Variants in TFDP2 observed in about 807,000 individuals in gnomAD.
TFDP2 encodes transcription factor Dp-2 (E2F dimerization partner 2).
TFDP2 carries 17 observed loss-of-function variants against 59.3 expected under a neutral mutation model. The ratio of observed to expected loss-of-function variants is 0.29; its 90% CI spans 0.20 to 0.43. The LOEUF (loss-of-function observed/expected upper bound fraction) is 0.43. Ranked by LOEUF, TFDP2 falls within the 20% of genes least tolerant of loss-of-function variation. The probability of loss-of-function intolerance (pLI) is 1.00; values close to 1 mark genes in which losing one functional copy is unlikely to be tolerated. For synonymous variants in TFDP2, 180 were observed against 194.7 expected, an observed-to-expected ratio of 0.92 and a Z score of 0.63; for missense variants, 391 against 528.8, an observed-to-expected ratio of 0.74 and a Z score of 2.56.
chr3:142,056,946 C>T (rs1478250591), intron 3 of TFDP2, among the ~76,000 whole-genome samples: 1 of 152,162 alleles, frequency 6.6e-6, no homozygotes, highest in Non-Finnish European at 1.5e-5. Flanking sequence ...TCCTCAGAAA[C>T]CATGTGAGAT....
At chr3:142,066,857 T>C (rs1174717778) in intron 3 of TFDP2, among the ~76,000 whole-genome samples, 1 of 152,168 alleles carries the variant, frequency 6.6e-6, no homozygotes, top group Non-Finnish European at 1.5e-5. Context: ...ATTTGACATA[T>C]AAAAATCAAT....
chr3:142,078,400 T>C (rs867204625), intron 3 of TFDP2, among the ~76,000 whole-genome samples: 2 of 152,318 alleles, frequency 1.3e-5, no homozygotes, highest in Middle Eastern at 3.4e-3. Flanking sequence ...GGGATACTTA[T>C]GTAACCCCTC....
intron 4 of TFDP2, among the ~76,000 whole-genome samples, chr3:141,997,413 C>A (rs1189621325): frequency 6.6e-6 from 1 of 152,032 alleles, no homozygotes; most frequent in African/African-American, 2.4e-5. Flanking sequence ...TCTGGTCAAC[C>A]CTATTCCTTG....
At position 142,043,709 on chromosome 3, in the gene TFDP2, C is replaced by T. The variant is rs1947152057; in HGVS notation, c.83-38165G>A. ...AGGCGTTCTTCACCGTGCTTGCGTG[C>T]TTCCTTGGTCTTAGACCTGGGGGCC... is the stretch of plus-strand genomic sequence containing the variant. On this transcript the variant is annotated intron_variant, in intron 3 of 12. Transcript: ENST00000489671. 6 of 1,164,746 alleles carry T rather than the reference C, an allele frequency of 5.2e-6. No homozygotes were observed. The East Asian group carries it at 1.4e-4, about 27-fold the overall frequency. The allele number at this position is 1,164,746 out of a possible 1,614,324, so 72.2% of individuals were successfully genotyped here.
chr3:142,078,812 C>T (rs1236143391), intron 3 of TFDP2, among the ~76,000 whole-genome samples: 1 of 151,936 alleles, frequency 6.6e-6, no homozygotes, highest in Non-Finnish European at 1.5e-5. Context: ...AGTAAGACAC[C>T]AGTAACCAAT....
At position 142,143,368 on chromosome 3, in the gene TFDP2, C is replaced by A. The variant is rs541255971; in HGVS notation, c.-93+5815G>T. ...CAAGAATTTCTTGAGCAGTACCCCA[C>A]AAGCACAGGCAACCAAAGCAAAAAT... On this transcript the variant is annotated intron_variant, in intron 1 of 12. Coordinates refer to ENST00000489671, the MANE Select transcript of TFDP2 (RefSeq NM_001178139.2). Among the ~76,000 whole-genome samples, 132 of 152,280 alleles carry A rather than the reference C, an allele frequency of 8.7e-4. 1 individual carries two copies. The highest frequency in any genetic ancestry group is 3.1e-3 in the African/African-American group (127 of 41,568).
rs368916134 is a variant in TFDP2 at position 141,952,488 on chromosome 3, T to C, written c.*25A>G. ...TACAAACACACATGAGCATCACATA[T>C]TGAAACGTAGGCTTTCTCTTGTCTT... On this transcript the variant is annotated 3_prime_UTR_variant, in exon 13 of 13. Transcript: ENST00000489671. 37 of 1,505,540 alleles carry C rather than the reference T, an allele frequency of 2.5e-5. No individual in the cohort carries two copies. The highest frequency in any genetic ancestry group is 2.9e-5 in the South Asian group (2 of 69,246). The allele number at this position is 1,505,540 out of a possible 1,614,324, so 93.3% of individuals were successfully genotyped here.
intron 3 of TFDP2, among the ~76,000 whole-genome samples, chr3:142,090,472 T>C (rs2060962389): frequency 2.0e-5 from 3 of 152,164 alleles, no homozygotes; most frequent in Admixed American, 2.0e-4. Flanking sequence ...CAGATGCCTA[T>C]TCTACCATCA....
At chr3:141,976,914 T>A (rs1940723909) in intron 7 of TFDP2, among the ~76,000 whole-genome samples, 1 of 150,218 alleles carries the variant, frequency 6.7e-6, no homozygotes, top group Non-Finnish European at 1.5e-5. Flanking sequence ...ACAAATTAAG[T>A]AATAAAAGTA....
chr3:141,982,834 T>C (rs1941635432), intron 6 of TFDP2, among the ~76,000 whole-genome samples: 1 of 152,206 alleles, frequency 6.6e-6, no homozygotes, highest in Admixed American at 6.5e-5. Flanking sequence ...AGTGCATAAA[T>C]TGATAATAAA....
intron 3 of TFDP2, among the ~76,000 whole-genome samples, chr3:142,026,057 A>G (rs1477167623): frequency 6.6e-6 from 1 of 152,234 alleles, no homozygotes; most frequent in Admixed American, 6.5e-5. Flanking sequence ...CACGCCCATA[A>G]TCCCAGCACT....
In TFDP2 at chr3:142,138,839, T is replaced by C. The variant is rs529359848; in HGVS notation, c.-93+10344A>G. Among the ~76,000 whole-genome samples, 3 of 152,354 alleles carry C rather than the reference T, an allele frequency of 2.0e-5. No individual in the cohort carries two copies. In the South Asian group the frequency reaches 6.2e-4, roughly 32 times the overall value. On this transcript the variant is annotated intron_variant, in intron 1 of 12. Transcript: ENST00000489671. ...GTGATATGGTGCTGAGAAGAATGTA[T>C]ATTCTGTTGATTCGGGGTGGAGAGT...
At chr3:142,042,247 T>A (rs894646957) in intron 3 of TFDP2, among the ~76,000 whole-genome samples, 1 of 152,154 alleles carries the variant, frequency 6.6e-6, no homozygotes, top group African/African-American at 2.4e-5. Flanking sequence ...TGTCTTTTGC[T>A]AATAACAGTG....
At chr3:142,069,160 C>T (rs1298633745) in intron 3 of TFDP2, among the ~76,000 whole-genome samples, 1 of 152,038 alleles carries the variant, frequency 6.6e-6, no homozygotes, top group African/African-American at 2.4e-5. Flanking sequence ...GTGATCCACC[C>T]GACTTGACCT....
chr3:142,105,610 A>C (rs997757194), intron 1 of TFDP2, among the ~76,000 whole-genome samples: 24 of 152,200 alleles, frequency 1.6e-4, no homozygotes, highest in Non-Finnish European at 3.1e-4. Context: ...TTATTCACGT[A>C]AATAAAATGA....
At chr3:141,988,418 C>T (rs1482730134) in intron 6 of TFDP2, among the ~76,000 whole-genome samples, 1 of 152,030 alleles carries the variant, frequency 6.6e-6, no homozygotes, top group Non-Finnish European at 1.5e-5. Context: ...CAGCCTCCTG[C>T]CCACAAACAG....
At chr3:141,971,442 G>A (rs10935448) in intron 8 of TFDP2, among the ~76,000 whole-genome samples, 23,137 of 151,160 alleles carry the variant, frequency 0.15, 2,088 homozygotes, top group South Asian at 0.27. Context: ...CCAGCTACTC[G>A]GGAGGCTGAG....
rs910778531 is a variant in TFDP2, at chr3:142,005,470, G to A, written c.157C>T (p.Pro53Ser). 6.2e-7 allele frequency: 1 copy of A among 1,611,622 alleles called. No homozygotes were observed. The highest frequency in any genetic ancestry group is 1.7e-5 in the Admixed American group (1 of 59,830). ...TGGGGTCCAACATTCACATTTATTG[G>A]TCCTAAGGTTTTTGGTAAAATCTTT... ...PTKILPKTLG[P>S]INVNVGPQMI... The change falls in exon 4 of 13, where the codon CCA (proline) becomes TCA (serine). Residue 53 changes from proline (P) to serine (S), a missense_variant. By Grantham distance (74) the Pro-to-Ser change is moderately conservative. Transcript: ENST00000489671.
intron 3 of TFDP2, among the ~76,000 whole-genome samples, chr3:142,008,151 C>A (rs1349208985): frequency 6.6e-6 from 1 of 152,068 alleles, no homozygotes; most frequent in Non-Finnish European, 1.5e-5. Flanking sequence ...CCTAGAGCTG[C>A]TGATATAATT....
Sources: allele counts gnomAD v4.1 joint callset (sites outside exome capture counted in the v4.1 genomes callset), GRCh38; gene constraint gnomAD v4.1.1; transcripts MANE v1.5; gene names NCBI Gene and HGNC (gene_info 2026-07-23, HGNC 2026-07-21).